Variants in SYNE3 observed in about 807,000 individuals in gnomAD.
SYNE3 encodes spectrin repeat containing nuclear envelope family member 3, also known as nesprin-3.
Under a neutral mutation model 111.2 loss-of-function variants are expected in SYNE3, and 100 were observed. That is an observed-to-expected ratio of 0.90 (90% CI 0.77 to 1.06). The LOEUF (loss-of-function observed/expected upper bound fraction) is 1.06. SYNE3 is among the 50% of genes least tolerant of loss of function. SYNE3 has a pLI of 0.00. For missense variants in SYNE3, 1,160 were observed against 1,240.3 expected, an observed-to-expected ratio of 0.94 and a Z score of 0.97; for synonymous variants, 547 against 533.9, an observed-to-expected ratio of 1.02 and a Z score of -0.34.
At chr14:95,491,188 A>G (rs1016651587) in intron 1 of SYNE3, among the ~76,000 whole-genome samples, 1 of 152,072 alleles carries the variant, frequency 6.6e-6, no homozygotes, top group African/African-American at 2.4e-5. Context: ...TGAGCCAATG[A>G]AAGATTCTGT....
intron 1 of SYNE3, among the ~76,000 whole-genome samples, chr14:95,495,249 C>G (rs914180326): frequency 2.6e-5 from 4 of 152,260 alleles, no homozygotes; most frequent in African/African-American, 9.6e-5. Context: ...CCAAGAGTGT[C>G]TGTGCCCAGT....
At position 95,410,205 on chromosome 14, in the gene SYNE3, C is replaced by T. The variant is rs897119089; in HGVS notation, c.*7621G>A. The T allele has an allele frequency of 3.9e-5, 6 of 152,290 alleles. No individual in the cohort carries two copies. The highest frequency in any genetic ancestry group is 1.2e-4 in the African/African-American group (5 of 41,448). The allele number at this position is 152,290 out of a possible 1,614,324, so 9.4% of individuals were successfully genotyped here. On this transcript the variant is annotated 3_prime_UTR_variant, in exon 18 of 18. Coordinates refer to ENST00000682763, the MANE Select transcript of SYNE3 (RefSeq NM_152592.6). ...GGTCCCCTGAGAGGAGGTGGCAGGCCGTGGTGGCAGGTCACTCTCACACTG... is the reference window on the plus strand; with the variant it reads ...GGTCCCCTGAGAGGAGGTGGCAGGCTGTGGTGGCAGGTCACTCTCACACTG...
intron 1 of SYNE3, among the ~76,000 whole-genome samples, chr14:95,499,498 T>C (rs1024205990): frequency 6.6e-6 from 1 of 152,068 alleles, no homozygotes; most frequent in Non-Finnish European, 1.5e-5. Context: ...CATTCACCCA[T>C]TGGCTTTGGC....
chr14:95,511,843 GGTCT>G (rs1453737669), intron 1 of SYNE3, among the ~76,000 whole-genome samples: 2 of 152,132 alleles, frequency 1.3e-5, no homozygotes, highest in African/African-American at 2.4e-5. Context: ...GACTCTCACT[GGTCT>G]GTCTGTCGGG....
At chr14:95,466,664 A>G (rs1888200552) in intron 3 of SYNE3, among the ~76,000 whole-genome samples, 1 of 152,170 alleles carries the variant, frequency 6.6e-6, no homozygotes, top group Admixed American at 6.5e-5. Flanking sequence ...GGCCGCTGGC[A>G]CACGCACACC....
intron 8 of SYNE3, among the ~76,000 whole-genome samples, chr14:95,446,839 A>G (rs1217275548): frequency 2.0e-5 from 3 of 152,088 alleles, no homozygotes; most frequent in African/African-American, 4.8e-5. Flanking sequence ...CCAGCCTACA[A>G]TCACTCTTCT....
intron 2 of SYNE3, among the ~76,000 whole-genome samples, chr14:95,468,178 CTGGGTGCTGTCTGATGAA>C (rs1246014052): frequency 6.6e-6 from 1 of 152,224 alleles, no homozygotes; most frequent in African/African-American, 2.4e-5. Context: ...GATTAGCATG[CTGGGTGCTGTCTGATGAA>C]TGGCTCTCTC....
chr14:95,424,408 G>A (rs540729317), intron 17 of SYNE3, among the ~76,000 whole-genome samples: 10 of 152,128 alleles, frequency 6.6e-5, no homozygotes, highest in South Asian at 2.1e-4. Context: ...GAGTGACCCA[G>A]GAGAGGGACA....
intron 1 of SYNE3, among the ~76,000 whole-genome samples, chr14:95,482,597 C>T (rs556325924): frequency 4.6e-5 from 7 of 152,226 alleles, no homozygotes; most frequent in East Asian, 3.9e-4. Flanking sequence ...AAAGCGGCAA[C>T]GTCAGTTTCA....
chr14:95,474,157 G>T (rs1382113513), intron 2 of SYNE3, among the ~76,000 whole-genome samples: 1 of 152,246 alleles, frequency 6.6e-6, no homozygotes, highest in Non-Finnish European at 1.5e-5. Context: ...GCTAAGGCTG[G>T]TGTGATCTTG....
In SYNE3 at chr14:95,467,845, G is replaced by A; in HGVS notation, c.267C>T (p.Asp89=). The A allele has an allele frequency of 1.9e-6, 3 of 1,614,182 alleles. No individual in the cohort carries two copies. Among genetic ancestry groups the A allele is most frequent in the Non-Finnish European group, 1.7e-6 (2 of 1,180,034 alleles). ...CTGTCTCCTCCCATTGGGCCTTGAT[G>A]TCCTTCAGCCGGGCCAGGATCCCGG... ...QKPGILARLK[D]IKAQWEETVT... The change falls in exon 3 of 18, where the codon GAC becomes GAT. Residue 89 remains aspartate, a synonymous_variant. Transcript: ENST00000682763.
chr14:95,503,973 C>A (rs1031845690), intron 1 of SYNE3, among the ~76,000 whole-genome samples: 3 of 152,166 alleles, frequency 2.0e-5, no homozygotes, highest in Admixed American at 6.5e-5. Context: ...CTCAAACCTG[C>A]AAGACTCACC....
chr14:95,412,114 C>CTGCCA lies in SYNE3; in HGVS notation c.*5707_*5711dup, dbSNP rs1171141645. ...CTGGGTCAGTCTATTTTCCCCTCCT[C>CTGCCA]TGCCATGCCCAGGTCCTCTCCCTGC... On this transcript the variant is annotated 3_prime_UTR_variant, in exon 18 of 18. Coordinates refer to ENST00000682763, the MANE Select transcript of SYNE3 (RefSeq NM_152592.6). 6.5e-6 allele frequency: 1 copy of CTGCCA among 153,910 alleles called. No individual in the cohort carries two copies. The highest frequency in any genetic ancestry group is 6.5e-5 in the Admixed American group (1 of 15,298). The allele number at this position is 153,910 out of a possible 1,614,324, so 9.5% of individuals were successfully genotyped here.
intron 6 of SYNE3, among the ~76,000 whole-genome samples, chr14:95,455,132 A>G (rs1456788750): frequency 6.6e-6 from 1 of 152,118 alleles, no homozygotes; most frequent in African/African-American, 2.4e-5. Flanking sequence ...CAGACCTACC[A>G]TGTGACTCTA....
Position 95,417,573 on chromosome 14 carries a change from T to C in SYNE3, c.*253A>G. On this transcript the variant is annotated 3_prime_UTR_variant, in exon 18 of 18. Transcript: ENST00000682763. ...ATATGAAATTATACATACTGAGCAT[T>C]TACATACAGATCATATAAAAATTCT... The C allele has an allele frequency of 1.8e-6, 1 of 551,188 alleles. No homozygotes were observed. The highest frequency in any genetic ancestry group is 3.1e-5 in the East Asian group (1 of 32,352). 34.1% of individuals were successfully genotyped at this position (551,188 alleles called of 1,614,324 possible).
chr14:95,473,880 G>A (rs57290406), intron 2 of SYNE3, among the ~76,000 whole-genome samples: 1 of 149,988 alleles, frequency 6.7e-6, no homozygotes, highest in Admixed American at 6.6e-5. Flanking sequence ...CTTGTGAGGT[G>A]TGACAGTGGC....
At chr14:95,466,467 C>A (rs748046271) in intron 3 of SYNE3, among the ~76,000 whole-genome samples, 1 of 152,162 alleles carries the variant, frequency 6.6e-6, no homozygotes, top group East Asian at 1.9e-4. Flanking sequence ...AAGCTCCCTG[C>A]GTGAGGGTAG....
chr14:95,502,610 G>A (rs1342147083), intron 1 of SYNE3, among the ~76,000 whole-genome samples: 3 of 152,096 alleles, frequency 2.0e-5, no homozygotes, highest in East Asian at 1.9e-4. Flanking sequence ...GCAAGCCCAC[G>A]TGCCAAACTG....
At chr14:95,445,099 T>G (rs1454878971) in intron 9 of SYNE3, among the ~76,000 whole-genome samples, 1 of 152,148 alleles carries the variant, frequency 6.6e-6, no homozygotes, top group Non-Finnish European at 1.5e-5. Context: ...ATTGCCTACT[T>G]ATTTGTGTCT....
Sources: gnomAD v4.1 joint callset for allele counts (sites outside exome capture counted in the v4.1 genomes callset) on GRCh38, gnomAD v4.1.1 for gene constraint, MANE v1.5 for transcripts, NCBI Gene and HGNC (gene_info 2026-07-23, HGNC 2026-07-21) for gene names.